The following PPP2R3A variants were observed in gnomAD, a reference collection of about 807,000 sequenced individuals.
PPP2R3A encodes the protein serine/threonine-protein phosphatase 2A regulatory subunit B'' subunit alpha.
A neutral mutation model predicts 106.9 loss-of-function variants in PPP2R3A; 80 were observed. The observed-to-expected ratio is 0.75, with a 90% CI of 0.62 to 0.90. The LOEUF is 0.90. Ranked by LOEUF, PPP2R3A falls within the 40% of genes least tolerant of loss-of-function variation. The probability of loss-of-function intolerance (pLI) is 0.00; values close to 1 mark genes in which losing one functional copy is unlikely to be tolerated. For synonymous variants in PPP2R3A, 483 were observed against 468.3 expected, an observed-to-expected ratio of 1.03 and a Z score of -0.41; for missense variants, 1,386 against 1,350.4, an observed-to-expected ratio of 1.03 and a Z score of -0.41.
At chr3:136,018,415 T>C (rs555672067) in intron 2 of PPP2R3A, among the ~76,000 whole-genome samples, 3 of 152,358 alleles carry the variant, frequency 2.0e-5, no homozygotes, top group Non-Finnish European at 2.9e-5. Flanking sequence ...ACCCATTTTT[T>C]CTTAAAACAT....
chr3:136,049,376 C>T lies in PPP2R3A; in HGVS notation c.2469+15C>T. 1 of 1,570,266 alleles carries T rather than the reference C, an allele frequency of 6.4e-7. No homozygotes were observed. The highest frequency in any genetic ancestry group is 1.2e-5 in the South Asian group (1 of 86,306). ...CTCTACTTCAGGTAATTTTCATCTC[C>T]TTTTGAAAATGGGTTCTAATTTTGG... On this transcript the variant is annotated intron_variant, in intron 5 of 13. Coordinates refer to ENST00000264977, the MANE Select transcript of PPP2R3A (RefSeq NM_002718.5).
intron 1 of PPP2R3A, among the ~76,000 whole-genome samples, chr3:135,988,848 G>T (rs940861421): frequency 6.6e-6 from 1 of 152,010 alleles, no homozygotes; most frequent in Non-Finnish European, 1.5e-5. Context: ...AAATATTTTT[G>T]GTGAGGAAAT....
At chr3:136,024,402 C>G (rs1380790373) in intron 2 of PPP2R3A, among the ~76,000 whole-genome samples, 2 of 152,044 alleles carry the variant, frequency 1.3e-5, no homozygotes, top group Non-Finnish European at 2.9e-5. Flanking sequence ...TGTTATTTTC[C>G]TTTTAAATAT....
chr3:136,070,112 C>G (rs185085919), intron 5 of PPP2R3A, among the ~76,000 whole-genome samples: 1 of 152,082 alleles, frequency 6.6e-6, no homozygotes, highest in Non-Finnish European at 1.5e-5. Context: ...CTACTGTCCA[C>G]GACATCCTTT....
intron 1 of PPP2R3A, among the ~76,000 whole-genome samples, chr3:135,969,583 C>T (rs936263382): frequency 1.3e-5 from 2 of 152,128 alleles, no homozygotes; most frequent in Admixed American, 1.3e-4. Context: ...AATTCAGAGC[C>T]AAGAGCAGAG....
intron 2 of PPP2R3A, among the ~76,000 whole-genome samples, chr3:136,010,417 A>ATTTTTTTT (rs56962010): frequency 7.8e-5 from 4 of 51,006 alleles, no homozygotes; most frequent in African/African-American, 3.9e-4. Context: ...CGCTCGGCTA[A>ATTTTTTTT]TTTTTTTTTT....
chr3:136,144,996 A>G (rs1559946344), intron 13 of PPP2R3A, 47 bp from the exon 14 acceptor site: 1 of 1,585,640 alleles, frequency 6.3e-7, no homozygotes, highest in Non-Finnish European at 8.6e-7. Flanking sequence ...TTCTACCCAA[A>G]CTTTAATCAA....
chr3:136,026,953 C>T lies in PPP2R3A; in HGVS notation c.2117C>T (p.Ser706Phe). 2 of 1,613,626 alleles carry T rather than the reference C, an allele frequency of 1.2e-6. No homozygotes were observed. The highest frequency in any genetic ancestry group is 1.3e-5 in the African/African-American group (1 of 74,982). Residue 706 changes from serine (S) to phenylalanine (F), a missense_variant, in exon 3 of 14, where the codon TCC (serine) becomes TTC (phenylalanine). Transcript: ENST00000264977. ...AATAATGTTGTGAATGCGCCATTGT[C>T]CATAAACATTCCACGGTTCTACTTT... is the stretch of plus-strand genomic sequence containing the variant. ...HVNNVVNAPL[S>F]INIPRFYFPE...
chr3:135,997,995 G>C (rs550829714), intron 1 of PPP2R3A, among the ~76,000 whole-genome samples: 1 of 152,174 alleles, frequency 6.6e-6, no homozygotes, highest in Non-Finnish European at 1.5e-5. Flanking sequence ...AAAAGTCTTT[G>C]TTTTTCTCAT....
intron 1 of PPP2R3A, among the ~76,000 whole-genome samples, chr3:135,970,052 G>T (rs1384971913): frequency 3.3e-5 from 5 of 152,210 alleles, no homozygotes; most frequent in African/African-American, 1.2e-4. Context: ...ATCACTGAAT[G>T]ATTAAAAAAT....
In PPP2R3A at chr3:136,026,967, C is replaced by T. The variant is rs1355721688; in HGVS notation, c.2131C>T (p.Arg711Trp). The change falls in exon 3 of 14, where the codon CGG becomes TGG. Residue 711 changes from arginine (R) to tryptophan (W), a missense_variant. By Grantham distance (101) the Arg-to-Trp change is moderately radical. Transcript: ENST00000264977. ...TGCGCCATTGTCCATAAACATTCCA[C>T]GGTTCTACTTTCCTGAAGGACTCCC... ...VNAPLSINIP[R>W]FYFPEGLPDT... The T allele has an allele frequency of 6.8e-6, 11 of 1,613,554 alleles. No homozygotes were observed. The highest frequency in any genetic ancestry group is 2.7e-5 in the African/African-American group (2 of 74,874).
chr3:136,018,603 A>G (rs1419109150), intron 2 of PPP2R3A, among the ~76,000 whole-genome samples: 1 of 152,212 alleles, frequency 6.6e-6, no homozygotes, highest in African/African-American at 2.4e-5. Context: ...GTTGTGTTTC[A>G]CAGTTTTATT....
rs565179571 is a variant in PPP2R3A, at chr3:135,986,684, T to C, written c.-440-14375T>C. On this transcript the variant is annotated intron_variant, in intron 1 of 13. Coordinates refer to ENST00000264977, the MANE Select transcript of PPP2R3A (RefSeq NM_002718.5). ...GAGCTTTATCACCACAGCTACCCAC[T>C]ACCCGCAGTAGTATCCATATACTCT... 5.3e-5 allele frequency among the ~76,000 whole-genome samples: 8 copies of C among 152,218 alleles called. No individual in the cohort carries two copies. In the East Asian group the frequency reaches 1.2e-3, roughly 22 times the overall value.
At chr3:136,024,337 C>A (rs1408624209) in intron 2 of PPP2R3A, among the ~76,000 whole-genome samples, 3 of 152,030 alleles carry the variant, frequency 2.0e-5, no homozygotes, top group Admixed American at 1.3e-4. Flanking sequence ...TCCTGTAGAA[C>A]TCAATAGAAA....
At chr3:135,982,096 A>G in intron 1 of PPP2R3A, among the ~76,000 whole-genome samples, 1 of 151,778 alleles carries the variant, frequency 6.6e-6, no homozygotes, top group Admixed American at 6.6e-5. Flanking sequence ...TGGAAATTAA[A>G]AGTGGTCAAA....
chr3:136,019,727 C>T (rs1272401574), intron 2 of PPP2R3A, among the ~76,000 whole-genome samples: 1 of 152,222 alleles, frequency 6.6e-6, no homozygotes, highest in Non-Finnish European at 1.5e-5. Context: ...TAGTCTTCCT[C>T]TGTCAATAAC....
chr3:136,053,210 A>G lies in PPP2R3A; in HGVS notation c.2469+3849A>G, dbSNP rs72983467. Among the ~76,000 whole-genome samples the G allele has an allele frequency of 7.2e-3, 1,100 of 152,314 alleles. 12 individuals are homozygous for G. Among genetic ancestry groups the G allele is most frequent in the African/African-American group, 0.026 (1,079 of 41,564 alleles). The stretch of plus-strand genomic sequence containing the variant: ...GCTTAATACCTGTACCTGTAGTGAA[A>G]TAATCTGTACCACAAAGCCCTGTGA... On this transcript the variant is annotated intron_variant, in intron 5 of 13. Coordinates refer to ENST00000264977, the MANE Select transcript of PPP2R3A (RefSeq NM_002718.5).
intron 3 of PPP2R3A, among the ~76,000 whole-genome samples, chr3:136,035,166 T>A (rs757167960): frequency 6.6e-6 from 1 of 152,226 alleles, no homozygotes. Context: ...TTCTTATCAA[T>A]TCTTCAATTC....
chr3:136,077,389 T>C (rs948799066), intron 6 of PPP2R3A, among the ~76,000 whole-genome samples: 2 of 152,206 alleles, frequency 1.3e-5, no homozygotes, highest in Non-Finnish European at 2.9e-5. Context: ...TTATTTGTTC[T>C]TCTCGCACCA....
Sources: gnomAD v4.1 joint callset for allele counts (sites outside exome capture counted in the v4.1 genomes callset) on GRCh38, gnomAD v4.1.1 for gene constraint, MANE v1.5 for transcripts, NCBI Gene and HGNC (gene_info 2026-07-23, HGNC 2026-07-21) for gene names.